Variants in TNNT3 observed in about 807,000 individuals in gnomAD.
TNNT3 encodes the protein troponin T3, fast skeletal type, also known as troponin T, fast skeletal muscle.
TNNT3 carries 36 observed loss-of-function variants against 54.2 expected under a neutral mutation model. The observed-to-expected ratio is 0.66, with a 90% CI of 0.51 to 0.88. TNNT3 has a LOEUF of 0.88. Ranked by LOEUF, TNNT3 falls within the 40% of genes least tolerant of loss-of-function variation. The pLI is 0.00. For missense variants in TNNT3, 291 were observed against 331.6 expected (o/e 0.88, Z 0.95); for synonymous variants, 120 against 109.7 (o/e 1.09, Z -0.59).
intron 2 of TNNT3, 43 bp downstream of exon 2, chr11:1,922,934 C>G (rs768044696): frequency 1.2e-6 from 2 of 1,613,744 alleles, no homozygotes; most frequent in Admixed American, 1.7e-5. Flanking sequence ...GGCTCGGGAC[C>G]CTGGCCCCTT....
At position 1,936,871 on chromosome 11, in the gene TNNT3, C is replaced by T. The variant is rs74552963; in HGVS notation, c.682-92C>T. On this transcript the variant is annotated intron_variant, in intron 14 of 15. Transcript: ENST00000278317. ...GCCCAGCAGCCCTGGGTCGCGCAGCCCAGCCCACCCTGCGGTGGAGACAGG... is the reference window on the plus strand; with the variant it reads ...GCCCAGCAGCCCTGGGTCGCGCAGCTCAGCCCACCCTGCGGTGGAGACAGG... 19,494 of 1,400,872 alleles carry T rather than the reference C, an allele frequency of 0.014. 277 individuals are homozygous for T. The highest frequency in any genetic ancestry group is 0.048 in the African/African-American group (3,397 of 70,460). The allele number at this position is 1,400,872 out of a possible 1,614,324, so 86.8% of individuals were successfully genotyped here.
At chr11:1,925,956 G>C (rs780303300) in intron 5 of TNNT3, among the ~76,000 whole-genome samples, 3 of 152,160 alleles carry the variant, frequency 2.0e-5, no homozygotes, top group Non-Finnish European at 2.9e-5. Flanking sequence ...GGCCCCCAGC[G>C]TTGGGATGGC....
At chr11:1,929,058 TC>T in intron 6 of TNNT3, 61 bp from the exon 7 acceptor site, 3 of 1,601,084 alleles carry the variant, frequency 1.9e-6, no homozygotes, top group South Asian at 1.1e-5. Flanking sequence ...TGCCCACTGC[TC>T]CCCCGCAGCC....
chr11:1,938,327 G>A lies in TNNT3; in HGVS notation c.723-111G>A, dbSNP rs932096952. 3.3e-6 allele frequency: 4 copies of A among 1,220,682 alleles called. No individual in the cohort carries two copies. The African/African-American group carries it at 5.9e-5, about 18-fold the overall frequency. 75.6% of individuals were successfully genotyped at this position (1,220,682 alleles called of 1,614,324 possible). ...TGGGCCGCAAGCTTGGGCCGGGCCT[G>A]TGCCCTGAGAGCAGCCTGGGGTCGG... On this transcript the variant is annotated intron_variant, in intron 15 of 15. Coordinates refer to ENST00000278317, the MANE Select transcript of TNNT3 (RefSeq NM_006757.4).
rs201688600 is a variant in TNNT3, at chr11:1,933,841, A to C, written c.288+4A>C. ...GGTCGCTCTCAAAGAGAGAATCGTG[A>C]GTGGGGCAGTTCAGGTTGCAGCAGG... On this transcript the variant is annotated splice_donor_region_variant and intron_variant, in intron 10 of 15. Coordinates refer to ENST00000278317, the MANE Select transcript of TNNT3 (RefSeq NM_006757.4). 1.9e-6 allele frequency: 3 copies of C among 1,612,592 alleles called. No individual in the cohort carries two copies. In the East Asian group the frequency reaches 6.7e-5, roughly 36 times the overall value.
At chr11:1,935,842 G>A (rs946987200) in intron 14 of TNNT3, among the ~76,000 whole-genome samples, 9 of 152,120 alleles carry the variant, frequency 5.9e-5, no homozygotes, top group Admixed American at 1.3e-4. Flanking sequence ...GCTCCTTCTC[G>A]GGGGTTCTGG....
At position 1,934,660 on chromosome 11, in the gene TNNT3, G is replaced by T; in HGVS notation, c.590+5G>T. ...CCTTGGTGAAGACAAACTGAGGTGAGGGGTGGGTGTTGTGGGGCTCAGCCC... is the reference window on the plus strand; with the variant it reads ...CCTTGGTGAAGACAAACTGAGGTGATGGGTGGGTGTTGTGGGGCTCAGCCC... On this transcript the variant is annotated splice_donor_5th_base_variant and intron_variant, in intron 13 of 15. Coordinates refer to ENST00000278317, the MANE Select transcript of TNNT3 (RefSeq NM_006757.4). 1.2e-6 allele frequency: 2 copies of T among 1,608,570 alleles called. No individual in the cohort carries two copies. Among genetic ancestry groups the T allele is most frequent in the Non-Finnish European group, 1.7e-6 (2 of 1,177,992 alleles).
intron 4 of TNNT3, chr11:1,924,881 A>G: frequency 1.5e-6 from 1 of 653,446 alleles, no homozygotes; most frequent in Non-Finnish European, 2.8e-6. Flanking sequence ...CCCAGCTGAC[A>G]GTGACCAGCT....
At chr11:1,921,769 C>T (rs140125090) in intron 1 of TNNT3, 80 of 152,312 alleles carry the variant, frequency 5.3e-4, no homozygotes, top group African/African-American at 1.8e-3. Flanking sequence ...CAGGGGGGAC[C>T]GTAGCTATTG....
intron 15 of TNNT3, among the ~76,000 whole-genome samples, chr11:1,937,815 A>G (rs1855577632): frequency 6.6e-6 from 1 of 152,204 alleles, no homozygotes; most frequent in Admixed American, 6.5e-5. Context: ...GAGGGTGGGC[A>G]GTCGGCGTGG....
intron 14 of TNNT3, 30 bp from the exon 15 acceptor site, chr11:1,936,933 G>T: frequency 6.3e-7 from 1 of 1,593,820 alleles, no homozygotes; most frequent in Non-Finnish European, 8.5e-7. Context: ...CCCTCGGGTC[G>T]TCGCAGTGAG....
At chr11:1,932,366 G>A (rs1853637544) in intron 8 of TNNT3, 103 bp from the exon 9 acceptor site, 2 of 1,098,516 alleles carry the variant, frequency 1.8e-6, no homozygotes, top group Admixed American at 1.7e-5. Context: ...GCCAGAGCAG[G>A]AGGGCACCAG....
intron 6 of TNNT3, among the ~76,000 whole-genome samples, chr11:1,927,246 G>T (rs1248570028): frequency 6.6e-6 from 1 of 152,212 alleles, no homozygotes; most frequent in Non-Finnish European, 1.5e-5. Context: ...GGGGCCATGC[G>T]TGCAAAGGCC....
chr11:1,922,288 A>G (rs1409816481), intron 1 of TNNT3, among the ~76,000 whole-genome samples: 1 of 152,136 alleles, frequency 6.6e-6, no homozygotes, highest in African/African-American at 2.4e-5. Context: ...CAGGCACAGA[A>G]GGGAGCTTTG....
intron 5 of TNNT3, chr11:1,925,342 G>A (rs1319383556): frequency 6.5e-7 from 1 of 1,530,208 alleles, no homozygotes; most frequent in Non-Finnish European, 8.9e-7. Flanking sequence ...CCATGTGGGG[G>A]TGGGGGAGAG....
chr11:1,920,477 A>G, intron 1 of TNNT3, among the ~76,000 whole-genome samples: 1 of 49,862 alleles, frequency 2.0e-5, no homozygotes, highest in East Asian at 6.5e-4. Context: ...GCCCCCACCC[A>G]CCCTCCCTGC....
chr11:1,931,881 G>GA (rs1273464796), intron 8 of TNNT3, among the ~76,000 whole-genome samples: 1 of 152,002 alleles, frequency 6.6e-6, no homozygotes, highest in Non-Finnish European at 1.5e-5. Context: ...TGGTTTGTTG[G>GA]AAAAAATTGT....
At chr11:1,920,834 C>T (rs1849936377) in intron 1 of TNNT3, among the ~76,000 whole-genome samples, 1 of 152,084 alleles carries the variant, frequency 6.6e-6, no homozygotes, top group African/African-American at 2.4e-5. Context: ...GCCCCCAGCA[C>T]ACCCCTGCCA....
intron 4 of TNNT3, among the ~76,000 whole-genome samples, chr11:1,924,654 G>A (rs3781956): frequency 0.34 from 50,994 of 152,108 alleles, 9,483 homozygotes; most frequent in East Asian, 0.63. Context: ...CGTGCGACAT[G>A]TCTCTGAAGA....
Sources: allele counts gnomAD v4.1 joint callset (sites outside exome capture counted in the v4.1 genomes callset), GRCh38; gene constraint gnomAD v4.1.1; transcripts MANE v1.5; gene names NCBI Gene and HGNC (gene_info 2026-07-23, HGNC 2026-07-21).